The following TMPRSS2 variants were observed in gnomAD, a reference collection of about 807,000 sequenced individuals.
The protein encoded by TMPRSS2 is transmembrane serine protease 2.
A neutral mutation model predicts 67.4 loss-of-function variants in TMPRSS2; 59 were observed. The observed-to-expected ratio is 0.88, with a 90% CI of 0.71 to 1.09. The LOEUF (loss-of-function observed/expected upper bound fraction) is 1.09, where lower values mean the gene tolerates loss of function less well. Ranked by LOEUF, TMPRSS2 falls within the 50% of genes least tolerant of loss-of-function variation. The pLI is 0.00. For missense variants in TMPRSS2, 668 were observed against 642.7 expected (o/e 1.04, Z -0.43); for synonymous variants, 257 against 257.0 (o/e 1.00, Z 0.00).
intron 2 of TMPRSS2, among the ~76,000 whole-genome samples, chr21:41,495,553 A>G (rs986688414): frequency 6.8e-6 from 1 of 146,552 alleles, no homozygotes; most frequent in South Asian, 2.4e-4. Context: ...TGAACCCGGG[A>G]GGCGGAAGTT....
At position 41,466,331 on chromosome 21, in the gene TMPRSS2, G is replaced by A. The variant is rs547523412; in HGVS notation, c.1468-178C>T. Among the ~76,000 whole-genome samples, 5 of 152,310 alleles carry A rather than the reference G, an allele frequency of 3.3e-5. No homozygotes were observed. In the East Asian group the frequency reaches 5.8e-4, roughly 18 times the overall value. On this transcript the variant is annotated intron_variant, in intron 13 of 13. Transcript: ENST00000332149. ...TCAGAGTCAGGCTGAGCATGGCGGGGCAGGAGCTCCGGAAGGAGCGGGCAG... is the reference window on the plus strand; with the variant it reads ...TCAGAGTCAGGCTGAGCATGGCGGGACAGGAGCTCCGGAAGGAGCGGGCAG...
chr21:41,480,730 C>G (rs764396234), intron 5 of TMPRSS2, 128 bp from the exon 6 acceptor site: 24 of 1,348,680 alleles, frequency 1.8e-5, no homozygotes, highest in Non-Finnish European at 1.6e-5. Flanking sequence ...CCTCCGCCTC[C>G]CAGGTTCAAG....
At chr21:41,499,146 C>T (rs1233077154) in intron 1 of TMPRSS2, among the ~76,000 whole-genome samples, 1 of 152,214 alleles carries the variant, frequency 6.6e-6, no homozygotes, top group Non-Finnish European at 1.5e-5. Context: ...ACTCCATTTA[C>T]TACCCCAAAC....
intron 1 of TMPRSS2, among the ~76,000 whole-genome samples, chr21:41,500,565 G>A (rs150372758): frequency 9.9e-5 from 15 of 152,216 alleles, no homozygotes; most frequent in Admixed American, 8.5e-4. Context: ...TTTTAGTCTC[G>A]AGAAACCTCA....
chr21:41,467,055 G>A (rs1313577234), intron 13 of TMPRSS2, among the ~76,000 whole-genome samples: 2 of 152,138 alleles, frequency 1.3e-5, no homozygotes, highest in African/African-American at 4.8e-5. Flanking sequence ...AGAAAAGGAT[G>A]GGCACAGCCG....
chr21:41,492,027 T>A (rs1189341885), intron 3 of TMPRSS2, among the ~76,000 whole-genome samples: 1 of 152,182 alleles, frequency 6.6e-6, no homozygotes, highest in Non-Finnish European at 1.5e-5. Context: ...AAACCCCGTC[T>A]CTACTAAAAA....
intron 2 of TMPRSS2, among the ~76,000 whole-genome samples, chr21:41,497,356 C>A (rs924332623): frequency 8.5e-5 from 13 of 152,142 alleles, no homozygotes; most frequent in South Asian, 6.2e-4. Context: ...CAGCTCTGAA[C>A]CAGAGCAGCA....
chr21:41,476,625 A>G lies in TMPRSS2; in HGVS notation c.684-5T>C. On this transcript the variant is annotated splice_region_variant and splice_polypyrimidine_tract_variant and intron_variant, in intron 7 of 13. Transcript: ENST00000332149. Reference sequence around the variant, plus strand: ...GCTTTTGAAGAACAGGCATCACTGCAAAAAGAACAGGGGAAATTCTGGTCA... The same window carrying G: ...GCTTTTGAAGAACAGGCATCACTGCGAAAAGAACAGGGGAAATTCTGGTCA... 1 of 1,489,478 alleles carries G rather than the reference A, an allele frequency of 6.7e-7. No homozygotes were observed. Among genetic ancestry groups the G allele is most frequent in the Non-Finnish European group, 9.0e-7 (1 of 1,113,886 alleles). 92.3% of individuals were successfully genotyped at this position (1,489,478 alleles called of 1,614,324 possible).
chr21:41,508,065 T>C lies in TMPRSS2; in HGVS notation c.-57+16A>G. ...CCCGGACCCCGAGCCGGGACCCTGG[T>C]ACCGGCGCCGCTCACCTGCCGCGCT... On this transcript the variant is annotated intron_variant, in intron 1 of 13. Transcript: ENST00000332149. 1.6e-6 allele frequency: 2 copies of C among 1,278,610 alleles called. No homozygotes were observed. The highest frequency in any genetic ancestry group is 2.0e-6 in the Non-Finnish European group (2 of 1,009,368). 79.2% of individuals were successfully genotyped at this position (1,278,610 alleles called of 1,614,324 possible).
At chr21:41,493,395 C>T (rs1448203196) in intron 3 of TMPRSS2, among the ~76,000 whole-genome samples, 8 of 151,764 alleles carry the variant, frequency 5.3e-5, no homozygotes, top group African/African-American at 4.8e-5. Flanking sequence ...AACGCAGGAG[C>T]GGCAGCACTT....
chr21:41,494,581 A>C lies in TMPRSS2; in HGVS notation c.16-3T>G. 1 of 1,612,870 alleles carries C rather than the reference A, an allele frequency of 6.2e-7. No individual in the cohort carries two copies. The highest frequency in any genetic ancestry group is 8.5e-7 in the Non-Finnish European group (1 of 1,179,550). ...GGTCCAATAGCTGGTGGTGACCCCT[A>C]AACAGTTGAAAAGAAGATGAATAAT... is the stretch of plus-strand genomic sequence containing the variant. On this transcript the variant is annotated splice_region_variant and splice_polypyrimidine_tract_variant and intron_variant, in intron 2 of 13. Coordinates refer to ENST00000332149, the MANE Select transcript of TMPRSS2 (RefSeq NM_005656.4).
chr21:41,473,928 T>C (rs908974697), intron 8 of TMPRSS2, among the ~76,000 whole-genome samples: 1 of 66,506 alleles, frequency 1.5e-5, no homozygotes, highest in South Asian at 6.4e-4. Context: ...AGTGAGGGAG[T>C]GAGTGAGGAG....
chr21:41,503,082 G>A (rs975391827), intron 1 of TMPRSS2, among the ~76,000 whole-genome samples: 6 of 152,100 alleles, frequency 3.9e-5, no homozygotes, highest in African/African-American at 7.2e-5. Flanking sequence ...ACAGACGATC[G>A]GAAATGTAAA....
chr21:41,475,624 AGTGAG>A (rs2091204266), intron 8 of TMPRSS2, among the ~76,000 whole-genome samples: 1 of 18,032 alleles, frequency 5.5e-5, no homozygotes. Flanking sequence ...TGAGGAGGTG[AGTGAG>A]GGTTGAGGGA....
intron 11 of TMPRSS2, among the ~76,000 whole-genome samples, chr21:41,469,005 G>A (rs548653178): frequency 2.6e-5 from 4 of 152,186 alleles, no homozygotes; most frequent in Non-Finnish European, 5.9e-5. Context: ...CTCAAGACAC[G>A]GCCTGCACTT....
chr21:41,495,772 G>A (rs1213246764), intron 2 of TMPRSS2, among the ~76,000 whole-genome samples: 1 of 151,928 alleles, frequency 6.6e-6, no homozygotes, highest in African/African-American at 2.4e-5. Flanking sequence ...AAAGCTCTGG[G>A]GCCCCTGACC....
intron 9 of TMPRSS2, 95 bp from the exon 10 acceptor site, chr21:41,472,076 A>C: frequency 7.7e-7 from 1 of 1,301,304 alleles, no homozygotes; most frequent in Non-Finnish European, 1.0e-6. Context: ...CAAGACACCC[A>C]GAGGCAGGAT....
intron 3 of TMPRSS2, among the ~76,000 whole-genome samples, chr21:41,493,414 T>G (rs1601585560): frequency 3.4e-5 from 5 of 148,204 alleles, no homozygotes; most frequent in South Asian, 2.2e-4. Flanking sequence ...TTGTCCTGAG[T>G]GGGGGAGAGG....
intron 6 of TMPRSS2, among the ~76,000 whole-genome samples, chr21:41,479,502 T>C (rs2091240697): frequency 6.6e-6 from 1 of 152,228 alleles, no homozygotes; most frequent in Non-Finnish European, 1.5e-5. Flanking sequence ...ATTGGTCGTG[T>C]TTCTTATCCA....
Sources: gnomAD v4.1 joint callset for allele counts (sites outside exome capture counted in the v4.1 genomes callset) on GRCh38, gnomAD v4.1.1 for gene constraint, MANE v1.5 for transcripts, NCBI Gene and HGNC (gene_info 2026-07-23, HGNC 2026-07-21) for gene names.